The following DTL variants were observed in gnomAD, a reference collection of about 807,000 sequenced individuals.
DTL encodes denticleless protein homolog.
In DTL, 46 loss-of-function variants were observed where a neutral mutation model predicts 87.0. The observed-to-expected ratio is 0.53, with a 90% CI of 0.42 to 0.68. DTL has a LOEUF of 0.68. DTL is among the 30% of genes least tolerant of loss of function. The pLI, the probability that DTL is intolerant of heterozygous loss-of-function variation, is 0.00. For synonymous variants in DTL, 308 were observed against 311.2 expected, an observed-to-expected ratio of 0.99 and a Z score of 0.11; for missense variants, 737 against 869.4, an observed-to-expected ratio of 0.85 and a Z score of 1.91.
intron 5 of DTL, among the ~76,000 whole-genome samples, chr1:212,048,806 AT>A (rs1667878352): frequency 6.6e-6 from 1 of 151,090 alleles, no homozygotes. Context: ...AATCTCCTTT[AT>A]CACTAAAAAA....
intron 8 of DTL, among the ~76,000 whole-genome samples, chr1:212,067,154 A>G (rs1391835126): frequency 6.6e-6 from 1 of 152,244 alleles, no homozygotes; most frequent in Non-Finnish European, 1.5e-5. Context: ...TATCTTAGAA[A>G]AGAAGCTGGC....
At chr1:212,100,169 T>A in intron 13 of DTL, 83 bp from the exon 14 acceptor site, 1 of 1,044,008 alleles carries the variant, frequency 9.6e-7, no homozygotes, top group East Asian at 2.4e-5. Flanking sequence ...ATGATTAGGT[T>A]AGCTATGATT....
At chr1:212,065,429 A>G (rs544460102) in intron 7 of DTL, among the ~76,000 whole-genome samples, 40 of 152,246 alleles carry the variant, frequency 2.6e-4, no homozygotes, top group African/African-American at 9.2e-4. Flanking sequence ...TACACTATGT[A>G]TAATGATCAA....
chr1:212,095,980 CA>C lies in DTL; in HGVS notation c.1262-4271del, dbSNP rs745522416. 1.4e-3 allele frequency among the ~76,000 whole-genome samples: 207 copies of C among 152,294 alleles called. 1 individual carries two copies. The highest frequency in any genetic ancestry group is 1.9e-3 in the Non-Finnish European group (132 of 68,028). ...TCTTTGAATGTCTGATAGAATTCAG[CA>C]GTGAATCCATCTGGTCCTGGACTTT... is the stretch of plus-strand genomic sequence containing the variant. On this transcript the variant is annotated intron_variant, in intron 13 of 14. Transcript: ENST00000366991.
At chr1:212,054,477 TCTC>T (rs1272350527) in intron 5 of DTL, among the ~76,000 whole-genome samples, 3 of 150,866 alleles carry the variant, frequency 2.0e-5, no homozygotes, top group African/African-American at 7.3e-5. Context: ...AGATGTTGAC[TCTC>T]CTCCAAAAAT....
intron 6 of DTL, among the ~76,000 whole-genome samples, 177 bp downstream of exon 6, chr1:212,063,126 A>T (rs978097016): frequency 6.6e-6 from 1 of 152,148 alleles, no homozygotes; most frequent in Admixed American, 6.5e-5. Context: ...TGATAAATAC[A>T]TGAGTGTCAC....
At chr1:212,057,441 C>A (rs939672914) in intron 5 of DTL, among the ~76,000 whole-genome samples, 15 of 151,484 alleles carry the variant, frequency 9.9e-5, no homozygotes, top group Admixed American at 4.6e-4. Context: ...TAAAGTCTTT[C>A]CCAAACAAGC....
chr1:212,083,207 G>T (rs538232105), intron 13 of DTL, among the ~76,000 whole-genome samples: 3 of 152,112 alleles, frequency 2.0e-5, no homozygotes, highest in Non-Finnish European at 4.4e-5. Context: ...CATGGATGGC[G>T]GCAGGCAAAG....
intron 5 of DTL, among the ~76,000 whole-genome samples, chr1:212,054,792 C>CAA (rs756328781): frequency 0.37 from 25,044 of 68,342 alleles, 4,590 homozygotes; most frequent in Non-Finnish European, 0.47. Flanking sequence ...GACACCACCT[C>CAA]AAAAAAAAAA....
rs998187739 is a variant in DTL at position 212,068,082 on chromosome 1, T to G, written c.714-142T>G. 6 of 569,790 alleles carry G rather than the reference T, an allele frequency of 1.1e-5. No individual in the cohort carries two copies. The Admixed American group carries it at 1.8e-4, about 17-fold the overall frequency. 35.3% of individuals were successfully genotyped at this position (569,790 alleles called of 1,614,324 possible). On this transcript the variant is annotated intron_variant, in intron 8 of 14. Coordinates refer to ENST00000366991, the MANE Select transcript of DTL (RefSeq NM_016448.4). ...AGACAACAGTATAAGATACTTTAAT[T>G]TGTTTCCCAATGAAATATCCTTACT...
intron 5 of DTL, chr1:212,051,441 T>A (rs1667971688): frequency 1.1e-5 from 4 of 376,078 alleles, no homozygotes; most frequent in African/African-American, 3.1e-5. Context: ...GATATGAAAT[T>A]CTTTTTTTTT....
intron 1 of DTL, among the ~76,000 whole-genome samples, chr1:212,040,683 C>T (rs1459301545): frequency 1.3e-5 from 2 of 152,136 alleles, no homozygotes; most frequent in African/African-American, 4.8e-5. Flanking sequence ...ACAGACAAAG[C>T]AGCTTCTATG....
Position 212,069,123 on chromosome 1 carries a change from G to A in DTL, c.922+420G>A, listed in dbSNP as rs557025755. On this transcript the variant is annotated intron_variant, in intron 10 of 14. Transcript: ENST00000366991. ...TCTCAGCCTTCTCCTTAATGTTAGA[G>A]GCCCTTTTATTTCTAGATGTTTTCC... Among the ~76,000 whole-genome samples the A allele has an allele frequency of 8.6e-5, 13 of 151,758 alleles. No homozygotes were observed. The East Asian group carries it at 2.1e-3, about 25-fold the overall frequency.
intron 11 of DTL, among the ~76,000 whole-genome samples, chr1:212,072,443 G>A (rs1654701188): frequency 6.6e-6 from 1 of 152,126 alleles, no homozygotes; most frequent in Non-Finnish European, 1.5e-5. Context: ...TGTATCCTCT[G>A]TTTCAAAAAT....
chr1:212,036,649 C>T (rs1462990301), intron 1 of DTL, among the ~76,000 whole-genome samples: 1 of 152,176 alleles, frequency 6.6e-6, no homozygotes, highest in East Asian at 1.9e-4. Context: ...AACGTATTCC[C>T]ATGTTAATAC....
At chr1:212,062,970 T>A (rs758036608) in intron 6 of DTL, 21 bp downstream of exon 6, 1 of 1,582,778 alleles carries the variant, frequency 6.3e-7, no homozygotes, top group Non-Finnish European at 8.7e-7. Context: ...TCTATTTTAA[T>A]TTTGAGAGAT....
At chr1:212,096,870 T>G (rs1361710034) in intron 13 of DTL, among the ~76,000 whole-genome samples, 1 of 152,204 alleles carries the variant, frequency 6.6e-6, no homozygotes, top group Admixed American at 6.5e-5. Flanking sequence ...GGGTAGAATG[T>G]TCTGTAAATA....
At chr1:212,048,027 G>A (rs903552243) in intron 5 of DTL, among the ~76,000 whole-genome samples, 1 of 152,124 alleles carries the variant, frequency 6.6e-6, no homozygotes. Context: ...ATTGTTCATT[G>A]AAGTTAAAAC....
intron 13 of DTL, among the ~76,000 whole-genome samples, chr1:212,090,297 AG>A (rs1206458293): frequency 6.6e-6 from 1 of 152,238 alleles, no homozygotes; most frequent in East Asian, 1.9e-4. Flanking sequence ...TGAAAAACAC[AG>A]GGTAAAAAAA....
Sources: gnomAD v4.1 joint callset for allele counts (sites outside exome capture counted in the v4.1 genomes callset) on GRCh38, gnomAD v4.1.1 for gene constraint, MANE v1.5 for transcripts, NCBI Gene and HGNC (gene_info 2026-07-23, HGNC 2026-07-21) for gene names.